Variants in OSBPL10 observed in about 807,000 individuals in gnomAD.
The protein encoded by OSBPL10 is oxysterol-binding protein-related protein 10.
In OSBPL10, 49 loss-of-function variants were observed where a neutral mutation model predicts 81.7. That is an observed-to-expected ratio of 0.60 (90% CI 0.48 to 0.76). OSBPL10 has a LOEUF of 0.76. OSBPL10 is among the 30% of genes least tolerant of loss of function. The pLI, the probability that OSBPL10 is intolerant of heterozygous loss-of-function variation, is 0.00. For synonymous variants in OSBPL10, 419 were observed against 383.6 expected (o/e 1.09, Z -1.08); for missense variants, 923 against 987.8 (o/e 0.93, Z 0.88).
chr3:31,932,262 A>G (rs1697270825), intron 1 of OSBPL10, among the ~76,000 whole-genome samples: 1 of 152,282 alleles, frequency 6.6e-6, no homozygotes, highest in East Asian at 1.9e-4. Context: ...TCCAACTCCG[A>G]ACACGGTCTC....
intron 3 of OSBPL10, among the ~76,000 whole-genome samples, chr3:31,870,407 T>C (rs979505274): frequency 6.6e-6 from 1 of 152,208 alleles, no homozygotes; most frequent in Non-Finnish European, 1.5e-5. Flanking sequence ...CACCCCTCCA[T>C]GGGCTCCTGT....
intron 2 of OSBPL10, among the ~76,000 whole-genome samples, chr3:32,020,315 T>C (rs1031224066): frequency 2.0e-5 from 3 of 152,182 alleles, no homozygotes; most frequent in Admixed American, 6.6e-5. Flanking sequence ...TCCACTTCCA[T>C]ATCCAGCTCC....
chr3:31,793,871 C>T (rs1699104184), intron 4 of OSBPL10, among the ~76,000 whole-genome samples: 1 of 152,118 alleles, frequency 6.6e-6, no homozygotes, highest in East Asian at 1.9e-4. Flanking sequence ...TGAAGAAAAA[C>T]AGTAAAAAAC....
intron 3 of OSBPL10, among the ~76,000 whole-genome samples, chr3:31,839,474 C>T (rs983684953): frequency 6.6e-6 from 1 of 151,926 alleles, no homozygotes; most frequent in South Asian, 2.1e-4. Context: ...CCACCACCCC[C>T]TAAAAAGACA....
chr3:31,831,109 T>C (rs1375802082), intron 3 of OSBPL10, among the ~76,000 whole-genome samples: 2 of 152,126 alleles, frequency 1.3e-5, no homozygotes, highest in East Asian at 3.9e-4. Flanking sequence ...ATCCAAAAGC[T>C]ATACCACAAA....
chr3:31,945,677 T>C (rs1697679455), intron 1 of OSBPL10, among the ~76,000 whole-genome samples: 1 of 152,122 alleles, frequency 6.6e-6, no homozygotes, highest in Non-Finnish European at 1.5e-5. Flanking sequence ...GTCTCCATGC[T>C]CCCACCTTCT....
At chr3:32,023,115 A>G (rs1597666) in intron 2 of OSBPL10, among the ~76,000 whole-genome samples, 96,162 of 151,966 alleles carry the variant, frequency 0.63, 30,693 homozygotes, top group Non-Finnish European at 0.69. Flanking sequence ...CTTGCTTATC[A>G]AGTTGTTCAT....
chr3:31,862,177 A>G (rs541370914), intron 3 of OSBPL10, among the ~76,000 whole-genome samples: 1 of 143,156 alleles, frequency 7.0e-6, no homozygotes, highest in Non-Finnish European at 1.5e-5. Flanking sequence ...CCACAAAAAA[A>G]TTTTTTTTTA....
intron 2 of OSBPL10, among the ~76,000 whole-genome samples, chr3:32,024,694 A>G (rs1699388471): frequency 6.6e-6 from 1 of 152,056 alleles, no homozygotes; most frequent in African/African-American, 2.4e-5. Context: ...CATGTTGGCC[A>G]GGCTGGTCTA....
At chr3:31,727,811 C>G (rs1484422165) in intron 6 of OSBPL10, among the ~76,000 whole-genome samples, 2 of 152,160 alleles carry the variant, frequency 1.3e-5, no homozygotes, top group African/African-American at 4.8e-5. Flanking sequence ...TCTACCTATA[C>G]CTTTATGTAT....
At chr3:31,989,063 T>C (rs1437291997) in intron 2 of OSBPL10, 3 of 1,613,734 alleles carry the variant, frequency 1.9e-6, no homozygotes, top group Non-Finnish European at 1.7e-6. Context: ...TGCAGCACTA[T>C]TGATTTCTAA....
chr3:31,794,015 C>T (rs1699110740), intron 4 of OSBPL10, among the ~76,000 whole-genome samples: 2 of 152,170 alleles, frequency 1.3e-5, no homozygotes, highest in Non-Finnish European at 1.5e-5. Flanking sequence ...GTTTGAGAGG[C>T]CCCAGGGCGC....
chr3:32,056,521 T>C (rs1016003747), intron 1 of OSBPL10, among the ~76,000 whole-genome samples: 4 of 152,214 alleles, frequency 2.6e-5, no homozygotes, highest in Admixed American at 2.6e-4. Context: ...TTGCTTAAAT[T>C]GAACATTTTA....
intron 7 of OSBPL10, among the ~76,000 whole-genome samples, chr3:31,693,948 T>G (rs956585296): frequency 1.3e-5 from 2 of 152,062 alleles, no homozygotes; most frequent in African/African-American, 4.8e-5. Context: ...TAAAATAGTT[T>G]TGGTAGAGAC....
At chr3:32,051,213 A>G (rs10433583) in intron 1 of OSBPL10, among the ~76,000 whole-genome samples, 2,384 of 152,310 alleles carry the variant, frequency 0.016, 61 homozygotes, top group East Asian at 0.088. Flanking sequence ...GGGAAAACAG[A>G]GGAGGCACCA....
chr3:31,829,955 C>T (rs1309367705), intron 4 of OSBPL10, 85 bp downstream of exon 4: 18 of 1,341,002 alleles, frequency 1.3e-5, no homozygotes, highest in African/African-American at 3.0e-5. Context: ...ATCAAGACGG[C>T]GCAAAGGAAG....
intron 6 of OSBPL10, 148 bp downstream of exon 6, chr3:31,733,109 G>A: frequency 1.8e-6 from 2 of 1,088,434 alleles, no homozygotes; most frequent in East Asian, 2.6e-5. Context: ...CATGCACATA[G>A]CTGATTTTGT....
At chr3:31,679,391 G>T (rs773184669) in intron 8 of OSBPL10, among the ~76,000 whole-genome samples, 1 of 152,182 alleles carries the variant, frequency 6.6e-6, no homozygotes, top group Non-Finnish European at 1.5e-5. Context: ...CGGGGGCAGG[G>T]AATCTGTGTG....
At position 32,007,997 on chromosome 3, in the gene OSBPL10, G is replaced by T. The variant is rs558636979; in HGVS notation, n.298+38494C>A. ...TGGGATTACAGGCATGAGCCACTGC[G>T]CCCAGCCTCAAAATTCTTAAACACA... On this transcript the variant is annotated intron_variant and non_coding_transcript_variant, in intron 2 of 3. Coordinates refer to the OSBPL10 transcript ENST00000479173. 2.0e-5 allele frequency among the ~76,000 whole-genome samples: 3 copies of T among 152,108 alleles called. No individual in the cohort carries two copies. In the South Asian group the frequency reaches 6.2e-4, roughly 32 times the overall value.
Sources: allele counts gnomAD v4.1 joint callset (sites outside exome capture counted in the v4.1 genomes callset), GRCh38; gene constraint gnomAD v4.1.1; transcripts MANE v1.5; gene names NCBI Gene and HGNC (gene_info 2026-07-23, HGNC 2026-07-21).